Variants in RYR3 observed in about 807,000 individuals in gnomAD.
RYR3 encodes ryanodine receptor 3, also known as brain ryanodine receptor-calcium release channel.
A neutral mutation model predicts 584.3 loss-of-function variants in RYR3; 207 were observed. The observed-to-expected ratio is 0.35, with a 90% confidence interval of 0.32 to 0.40. RYR3 has a LOEUF of 0.40. RYR3 is among the 10% of genes least tolerant of loss of function. RYR3 has a pLI of 1.00. For synonymous variants in RYR3, 2,416 were observed against 2,248.5 expected, an observed-to-expected ratio of 1.07 and a Z score of -2.11; for missense variants, 5,616 against 6,089.2, an observed-to-expected ratio of 0.92 and a Z score of 2.59.
chr15:33,427,668 G>A (rs2141685078), intron 1 of RYR3, among the ~76,000 whole-genome samples: 1 of 152,318 alleles, frequency 6.6e-6, no homozygotes, highest in East Asian at 1.9e-4. Flanking sequence ...TCTCTGAAAT[G>A]AATATTTATG....
intron 1 of RYR3, among the ~76,000 whole-genome samples, chr15:33,461,424 C>G (rs1031808256): frequency 6.6e-6 from 1 of 152,126 alleles, no homozygotes; most frequent in African/African-American, 2.4e-5. Context: ...GGTTTTGATT[C>G]TTTTAGTAGA....
intron 2 of RYR3, among the ~76,000 whole-genome samples, chr15:33,476,653 G>A (rs940072824): frequency 2.2e-4 from 33 of 152,036 alleles, no homozygotes; most frequent in African/African-American, 7.5e-4. Context: ...TTTGGCTTTC[G>A]GGAGTAAATA....
At chr15:33,509,917 GCTTGA>G (rs1670120589) in intron 3 of RYR3, among the ~76,000 whole-genome samples, 1 of 152,138 alleles carries the variant, frequency 6.6e-6, no homozygotes, top group Non-Finnish European at 1.5e-5. Flanking sequence ...TTTTTAACTT[GCTTGA>G]CTTGACTCTG....
chr15:33,561,317 G>C (rs140906196), intron 10 of RYR3, among the ~76,000 whole-genome samples: 1 of 152,230 alleles, frequency 6.6e-6, no homozygotes, highest in Admixed American at 6.5e-5. Flanking sequence ...AGAACAGCAG[G>C]AGAGACTAAC....
chr15:33,395,856 T>TTCCAAGAC (rs2042264758), intron 1 of RYR3, among the ~76,000 whole-genome samples: 1 of 151,992 alleles, frequency 6.6e-6, no homozygotes, highest in Non-Finnish European at 1.5e-5. Context: ...GATTCCAAGA[T>TTCCAAGAC]CCATGGATGC....
chr15:33,636,653 C>CCTG, intron 27 of RYR3, 103 bp downstream of exon 27: 1 of 1,052,644 alleles, frequency 9.5e-7, no homozygotes, highest in African/African-American at 1.6e-5. Context: ...CTACACTGTC[C>CCTG]TTTGCATATT....
chr15:33,757,730 G>T lies in RYR3; in HGVS notation c.8705+134G>T, dbSNP rs771856749. 3.2e-6 allele frequency: 3 copies of T among 934,008 alleles called. No individual in the cohort carries two copies. In the South Asian group the frequency reaches 5.0e-5, roughly 15 times the overall value. 57.9% of individuals were successfully genotyped at this position (934,008 alleles called of 1,614,324 possible). ...TGTTTTGGTTTGTCATCTGAGTTTC[G>T]AAAGAAACTATATTCATACATATCT... On this transcript the variant is annotated intron_variant, in intron 60 of 103. Coordinates refer to ENST00000634891, the MANE Select transcript of RYR3 (RefSeq NM_001036.6).
chr15:33,367,951 C>A (rs138628452), intron 1 of RYR3, among the ~76,000 whole-genome samples: 190 of 152,256 alleles, frequency 1.2e-3, no homozygotes, highest in African/African-American at 4.5e-3. Flanking sequence ...CTGCATTAAT[C>A]TTCGTCTTGC....
At chr15:33,741,012 G>A (rs1263602462) in intron 51 of RYR3, among the ~76,000 whole-genome samples, 2 of 152,230 alleles carry the variant, frequency 1.3e-5, no homozygotes, top group African/African-American at 4.8e-5. Context: ...CTATAAAAAG[G>A]GAACAGTGCT....
intron 12 of RYR3, among the ~76,000 whole-genome samples, chr15:33,567,676 T>C (rs1452962047): frequency 1.3e-5 from 2 of 152,168 alleles, no homozygotes; most frequent in Non-Finnish European, 2.9e-5. Context: ...ATCTTGCTGC[T>C]CTGACATCTC....
chr15:33,483,111 G>T (rs2050116674), intron 2 of RYR3, among the ~76,000 whole-genome samples: 2 of 151,844 alleles, frequency 1.3e-5, no homozygotes, highest in African/African-American at 4.8e-5. Context: ...TCTAAAGTTT[G>T]CAGTTGTTTA....
intron 87 of RYR3, 125 bp downstream of exon 87, chr15:33,835,197 TCA>T: frequency 1.4e-6 from 1 of 714,176 alleles, no homozygotes; most frequent in Middle Eastern, 3.0e-4. Flanking sequence ...ATATTAGGTC[TCA>T]GTTTTTTAAA....
chr15:33,854,755 T>C lies in RYR3; in HGVS notation c.13861-11T>C. 1 of 1,591,468 alleles carries C rather than the reference T, an allele frequency of 6.3e-7. No individual in the cohort carries two copies. Among genetic ancestry groups the C allele is most frequent in the Admixed American group, 1.9e-5 (1 of 53,610 alleles). On this transcript the variant is annotated splice_polypyrimidine_tract_variant and intron_variant, in intron 97 of 103. Coordinates refer to ENST00000634891, the MANE Select transcript of RYR3 (RefSeq NM_001036.6). The stretch of plus-strand genomic sequence containing the variant: ...AAACATGCTTAAAAGTCTGCTTTCT[T>C]CCATTCCCAGTCCTTTCTCTACCTT...
intron 88 of RYR3, among the ~76,000 whole-genome samples, chr15:33,837,350 ATCCCTATGTG>A (rs1456668135): frequency 6.6e-6 from 1 of 152,148 alleles, no homozygotes; most frequent in Non-Finnish European, 1.5e-5. Flanking sequence ...GACACCATGT[ATCCCTATGTG>A]TCCCTGATAA....
intron 1 of RYR3, among the ~76,000 whole-genome samples, chr15:33,429,497 G>A (rs765920964): frequency 2.0e-5 from 3 of 152,186 alleles, no homozygotes; most frequent in East Asian, 1.9e-4. Flanking sequence ...AAAGGCAGAC[G>A]CTGATGATCG....
At chr15:33,862,555 G>C (rs1888689791) in intron 102 of RYR3, among the ~76,000 whole-genome samples, 1 of 152,206 alleles carries the variant, frequency 6.6e-6, no homozygotes, top group Non-Finnish European at 1.5e-5. Context: ...AGAAGGCATT[G>C]TCAGAAGTGG....
chr15:33,475,810 G>A lies in RYR3; in HGVS notation c.171+2272G>A, dbSNP rs112106850. On this transcript the variant is annotated intron_variant, in intron 2 of 103. Transcript: ENST00000634891. ...ATTGCTGTCAGGATCAAATGGGTTCGTAAATCGCCTAGTGCATTGTAAGCT... is the reference window on the plus strand; with the variant it reads ...ATTGCTGTCAGGATCAAATGGGTTCATAAATCGCCTAGTGCATTGTAAGCT... Among the ~76,000 whole-genome samples, 260 of 152,300 alleles carry A rather than the reference G, an allele frequency of 1.7e-3. 2 individuals carry two copies. Among genetic ancestry groups the A allele is most frequent in the African/African-American group, 5.3e-3 (221 of 41,564 alleles).
At chr15:33,830,838 C>T (rs2077633474) in intron 85 of RYR3, 125 bp from the exon 86 acceptor site, 4 of 920,180 alleles carry the variant, frequency 4.3e-6, no homozygotes, top group Non-Finnish European at 6.3e-6. Context: ...TCACAGGGTC[C>T]CTGGCTCCTG....
chr15:33,748,485 T>C lies in RYR3; in HGVS notation c.8154T>C (p.Pro2718=). ...TTTCCTAGGGCAACAGCTACAGTCC[T>C]GCTCCCCTCGACCTCTCAAACGTTG... is the stretch of plus-strand genomic sequence containing the variant. The part of the protein sequence containing the change: ...SQANQGNSYS[P]APLDLSNVVL... Residue 2718 remains proline, a synonymous_variant, in exon 55 of 104, where the codon CCT becomes CCC. Coordinates refer to ENST00000634891, the MANE Select transcript of RYR3 (RefSeq NM_001036.6). 2.5e-6 allele frequency: 4 copies of C among 1,613,472 alleles called. No homozygotes were observed. The highest frequency in any genetic ancestry group is 1.7e-6 in the Non-Finnish European group (2 of 1,179,762).
Sources: allele counts gnomAD v4.1 joint callset (sites outside exome capture counted in the v4.1 genomes callset), GRCh38; gene constraint gnomAD v4.1.1; transcripts MANE v1.5; gene names NCBI Gene and HGNC (gene_info 2026-07-23, HGNC 2026-07-21).